MGAT4C: variants seen among roughly 807,000 people sequenced by gnomAD.
MGAT4C encodes alpha-1,3-mannosyl-glycoprotein 4-beta-N-acetylglucosaminyltransferase C.
In MGAT4C, 19 loss-of-function variants were observed where a neutral mutation model predicts 40.1. The ratio of observed to expected loss-of-function variants is 0.47; its 90% CI spans 0.33 to 0.70. MGAT4C has a LOEUF of 0.70. MGAT4C is among the 30% of genes least tolerant of loss of function. MGAT4C has a pLI of 0.02. For synonymous variants in MGAT4C, 181 were observed against 187.1 expected (o/e 0.97, Z 0.27); for missense variants, 491 against 563.2 (o/e 0.87, Z 1.30).
At chr12:86,349,667 C>A (rs1955116471) in intron 3 of MGAT4C, among the ~76,000 whole-genome samples, 1 of 152,102 alleles carries the variant, frequency 6.6e-6, no homozygotes, top group African/African-American at 2.4e-5. Flanking sequence ...TTACGAGCTA[C>A]AAAAACTTCA....
chr12:86,191,668 CA>C (rs1566119065), intron 1 of MGAT4C, among the ~76,000 whole-genome samples: 39 of 139,796 alleles, frequency 2.8e-4, no homozygotes, highest in Middle Eastern at 3.6e-3. Flanking sequence ...CACACACACA[CA>C]CACACCCTTA....
Position 85,971,408 on chromosome 12 carries a change from TAACTTG to T in MGAT4C, c.*7875_*7880del, listed in dbSNP as rs1049811385. The stretch of plus-strand genomic sequence containing the variant: ...CAAAGATGATCGGTTTAGATTGCTT[TAACTTG>T]AAGGACACTTATATTTTGTATCACT... On this transcript the variant is annotated 3_prime_UTR_variant, in exon 5 of 5. Coordinates refer to ENST00000611864, the MANE Select transcript of MGAT4C (RefSeq NM_001351288.2). 2.0e-5 allele frequency: 3 copies of T among 151,202 alleles called. No homozygotes were observed. The highest frequency in any genetic ancestry group is 3.0e-5 in the Non-Finnish European group (2 of 67,330). 9.4% of individuals were successfully genotyped at this position (151,202 alleles called of 1,614,324 possible).
chr12:86,000,036 A>G (rs2136768452), intron 2 of MGAT4C, among the ~76,000 whole-genome samples: 1 of 152,338 alleles, frequency 6.6e-6, no homozygotes, highest in South Asian at 2.1e-4. Flanking sequence ...AAAAAACTTT[A>G]AAGTGACAGA....
chr12:86,005,343 C>T (rs1053074135), intron 2 of MGAT4C, among the ~76,000 whole-genome samples: 2 of 152,116 alleles, frequency 1.3e-5, no homozygotes, highest in Non-Finnish European at 2.9e-5. Flanking sequence ...TAGTTATTTA[C>T]ATGAATTTAA....
At chr12:86,154,816 C>T (rs983923536) in intron 1 of MGAT4C, among the ~76,000 whole-genome samples, 39 of 152,104 alleles carry the variant, frequency 2.6e-4, no homozygotes, top group African/African-American at 7.5e-4. Flanking sequence ...TCTACAATTA[C>T]GTGTTGAGAG....
intron 1 of MGAT4C, among the ~76,000 whole-genome samples, chr12:86,233,961 A>G (rs1951431460): frequency 6.6e-6 from 1 of 152,176 alleles, no homozygotes; most frequent in Non-Finnish European, 1.5e-5. Context: ...TAATGGATTA[A>G]TTAAATGTTC....
intron 2 of MGAT4C, among the ~76,000 whole-genome samples, chr12:86,655,770 G>A (rs1053475195): frequency 6.6e-5 from 10 of 152,132 alleles, no homozygotes; most frequent in African/African-American, 1.7e-4. Flanking sequence ...ATGCTTCTTC[G>A]TTTCAAATCC....
intron 1 of MGAT4C, among the ~76,000 whole-genome samples, chr12:86,760,687 G>A (rs1238537666): frequency 9.2e-5 from 14 of 152,020 alleles, no homozygotes; most frequent in Admixed American, 9.2e-4. Flanking sequence ...GAATGTCCAG[G>A]GCATAGAAAA....
intron 1 of MGAT4C, among the ~76,000 whole-genome samples, chr12:86,755,510 A>G (rs1354403457): frequency 2.0e-5 from 3 of 152,110 alleles, no homozygotes; most frequent in Non-Finnish European, 4.4e-5. Context: ...CCCCAGTGCT[A>G]ATAAGATCTT....
At chr12:86,357,479 T>C (rs554399933) in intron 3 of MGAT4C, among the ~76,000 whole-genome samples, 1 of 152,290 alleles carries the variant, frequency 6.6e-6, no homozygotes, top group African/African-American at 2.4e-5. Context: ...AGAATGACTT[T>C]GACAAGTTGA....
chr12:86,718,122 GC>G (rs1330164035), intron 2 of MGAT4C, among the ~76,000 whole-genome samples: 3 of 152,100 alleles, frequency 2.0e-5, no homozygotes. Context: ...GCATAGGCAA[GC>G]CCCCCACAAC....
At chr12:86,454,040 T>C (rs919279809) in intron 2 of MGAT4C, among the ~76,000 whole-genome samples, 1 of 152,114 alleles carries the variant, frequency 6.6e-6, no homozygotes. Context: ...TATATGATGA[T>C]GTTTTCAAAG....
At chr12:85,983,157 G>A (rs373783495) in intron 4 of MGAT4C, among the ~76,000 whole-genome samples, 1 of 152,172 alleles carries the variant, frequency 6.6e-6, no homozygotes, top group African/African-American at 2.4e-5. Flanking sequence ...AAAAGTTGTG[G>A]CAAGTCATAA....
rs963791967 is a variant in MGAT4C at position 86,256,343 on chromosome 12, C to A, written c.-161G>T. 4 of 152,118 alleles carry A rather than the reference C, an allele frequency of 2.6e-5. No individual in the cohort carries two copies. The highest frequency in any genetic ancestry group is 4.1e-4 in the South Asian group (2 of 4,822). 9.4% of individuals were successfully genotyped at this position (152,118 alleles called of 1,614,324 possible). Reference sequence around the variant, plus strand: ...TCACACAAAAGCGAGATAATTGGCTCTCAATGAAGAGATGTAAACATCCAT... The same window carrying A: ...TCACACAAAAGCGAGATAATTGGCTATCAATGAAGAGATGTAAACATCCAT... On this transcript the variant is annotated 5_prime_UTR_variant, in exon 1 of 5. Coordinates refer to ENST00000611864, the MANE Select transcript of MGAT4C (RefSeq NM_001351288.2).
At chr12:86,734,788 A>G (rs1950960233) in intron 1 of MGAT4C, among the ~76,000 whole-genome samples, 1 of 152,056 alleles carries the variant, frequency 6.6e-6, no homozygotes, top group Admixed American at 6.6e-5. Flanking sequence ...AATATGTAGT[A>G]TTCTATTATA....
At position 86,459,740 on chromosome 12, in the gene MGAT4C, G is replaced by T. The variant is rs930349156; in HGVS notation, c.-228-24475C>A. On this transcript the variant is annotated intron_variant, in intron 2 of 7. Coordinates refer to the MGAT4C transcript ENST00000548651. ...CATGCGCATACATGAAAGCTACAGGGTTCCTGGATCTGAGCAACTTGAGTT... is the reference window on the plus strand; with the variant it reads ...CATGCGCATACATGAAAGCTACAGGTTTCCTGGATCTGAGCAACTTGAGTT... Among the ~76,000 whole-genome samples, 7 of 131,412 alleles carry T rather than the reference G, an allele frequency of 5.3e-5. No homozygotes were observed. In the South Asian group the frequency reaches 1.7e-3, roughly 32 times the overall value. 86.2% of individuals were successfully genotyped at this position (131,412 alleles called of 152,430 possible).
Position 86,366,324 on chromosome 12 carries a change from T to C in MGAT4C, c.-119-32197A>G, listed in dbSNP as rs183095598. 3.2e-3 allele frequency among the ~76,000 whole-genome samples: 493 copies of C among 152,342 alleles called. 3 individuals carry two copies. The highest frequency in any genetic ancestry group is 0.011 in the African/African-American group (473 of 41,582). On this transcript the variant is annotated intron_variant, in intron 3 of 7. Transcript: ENST00000548651. ...TTCTATGTATAGAATCATATCATCA[T>C]TAAAGAGAGAAATTTTGACTTCGTC...
chr12:86,134,390 AC>A (rs754309407), intron 1 of MGAT4C, among the ~76,000 whole-genome samples: 5 of 151,968 alleles, frequency 3.3e-5, no homozygotes, highest in Non-Finnish European at 5.9e-5. Flanking sequence ...AGAATCTCCC[AC>A]CCCAAACCCA....
chr12:86,663,107 A>T (rs1321383184), intron 2 of MGAT4C, among the ~76,000 whole-genome samples: 1 of 152,078 alleles, frequency 6.6e-6, no homozygotes, highest in African/African-American at 2.4e-5. Context: ...TTACTGTTGT[A>T]ATCTCAGCAC....
Sources: allele counts gnomAD v4.1 joint callset (sites outside exome capture counted in the v4.1 genomes callset), GRCh38; gene constraint gnomAD v4.1.1; transcripts MANE v1.5; gene names NCBI Gene and HGNC (gene_info 2026-07-23, HGNC 2026-07-21).